The following SPAG16 variants were observed in gnomAD, a reference collection of about 807,000 sequenced individuals.
SPAG16 encodes the protein sperm associated antigen 16.
A neutral mutation model predicts 80.4 loss-of-function variants in SPAG16; 86 were observed. The ratio of observed to expected loss-of-function variants is 1.07; its 90% CI spans 0.90 to 1.28. The LOEUF (loss-of-function observed/expected upper bound fraction) is 1.28, where lower values mean the gene tolerates loss of function less well. Among genes scored for constraint, SPAG16 ranks in the 50% most tolerant of loss-of-function variants. The pLI is 0.00. For missense variants in SPAG16, 870 were observed against 765.3 expected (o/e 1.14, Z -1.61); for synonymous variants, 294 against 265.9 (o/e 1.11, Z -1.03).
chr2:213,686,013 T>C (rs1356382637), intron 10 of SPAG16, among the ~76,000 whole-genome samples: 3 of 152,174 alleles, frequency 2.0e-5, no homozygotes, highest in African/African-American at 7.2e-5. Context: ...GACATATAAT[T>C]ATAAAGGTAT....
intron 10 of SPAG16, among the ~76,000 whole-genome samples, chr2:213,689,288 G>A (rs532446332): frequency 6.6e-6 from 1 of 152,250 alleles, no homozygotes; most frequent in East Asian, 1.9e-4. Context: ...TTTATCATCT[G>A]TGTCAGTTAT....
At chr2:214,153,983 G>A (rs1307107084) in intron 15 of SPAG16, among the ~76,000 whole-genome samples, 1 of 152,076 alleles carries the variant, frequency 6.6e-6, no homozygotes, top group Non-Finnish European at 1.5e-5. Context: ...TATATCCCAA[G>A]TATTTGTGAA....
intron 10 of SPAG16, among the ~76,000 whole-genome samples, chr2:213,651,245 T>G (rs1199965306): frequency 6.6e-6 from 1 of 152,144 alleles, no homozygotes; most frequent in African/African-American, 2.4e-5. Flanking sequence ...TTGCTGATTT[T>G]GGATTTGATA....
At chr2:213,561,660 G>A (rs932437709) in intron 10 of SPAG16, among the ~76,000 whole-genome samples, 5 of 152,126 alleles carry the variant, frequency 3.3e-5, no homozygotes, top group African/African-American at 1.2e-4. Context: ...ACTCTTAAAT[G>A]TAATGTCTTT....
chr2:214,348,474 T>G (rs925177326), intron 15 of SPAG16, among the ~76,000 whole-genome samples: 1 of 152,232 alleles, frequency 6.6e-6, no homozygotes, highest in African/African-American at 2.4e-5. Context: ...AGAGTATGAT[T>G]AGAAGAAATT....
At chr2:213,731,560 C>T (rs576344336) in intron 10 of SPAG16, among the ~76,000 whole-genome samples, 21 of 151,160 alleles carry the variant, frequency 1.4e-4, no homozygotes, top group South Asian at 6.2e-4. Context: ...TGGTGGTTTG[C>T]TGCACAGATC....
chr2:214,294,421 A>T (rs915681950), intron 15 of SPAG16, among the ~76,000 whole-genome samples: 1 of 152,150 alleles, frequency 6.6e-6, no homozygotes, highest in Non-Finnish European at 1.5e-5. Flanking sequence ...GTGTTCTCTT[A>T]TAGATGACTC....
In SPAG16 at chr2:214,243,052, G is replaced by A. The variant is rs561737422; in HGVS notation, c.1720+93786G>A. Among the ~76,000 whole-genome samples the A allele has an allele frequency of 2.0e-5, 3 of 152,170 alleles. No homozygotes were observed. In the South Asian group the frequency reaches 6.2e-4, roughly 32 times the overall value. Reference sequence around the variant, plus strand: ...GCATGTATAATAAAATCCTGTATAAGAGCCTGAGGCATCATCCAAATTTAT... The same window carrying A: ...GCATGTATAATAAAATCCTGTATAAAAGCCTGAGGCATCATCCAAATTTAT... On this transcript the variant is annotated intron_variant, in intron 15 of 15. Coordinates refer to ENST00000331683, the MANE Select transcript of SPAG16 (RefSeq NM_024532.5).
intron 15 of SPAG16, among the ~76,000 whole-genome samples, chr2:214,153,614 T>C (rs1045308240): frequency 3.3e-5 from 5 of 152,092 alleles, no homozygotes; most frequent in African/African-American, 1.2e-4. Context: ...ATTAAACATA[T>C]TGGTGCACAA....
intron 10 of SPAG16, among the ~76,000 whole-genome samples, chr2:213,520,630 T>A (rs2075624832): frequency 6.6e-6 from 1 of 152,122 alleles, no homozygotes. Flanking sequence ...TTTTAATCCA[T>A]CCAACTTGTA....
chr2:214,133,831 T>G (rs2054908444), intron 14 of SPAG16, among the ~76,000 whole-genome samples: 2 of 152,140 alleles, frequency 1.3e-5, no homozygotes, highest in African/African-American at 4.8e-5. Context: ...GAGAATGGGA[T>G]AAAAAGCTCT....
chr2:213,663,740 A>G (rs894705847), intron 10 of SPAG16, among the ~76,000 whole-genome samples: 3 of 152,126 alleles, frequency 2.0e-5, no homozygotes, highest in Non-Finnish European at 2.9e-5. Flanking sequence ...ATCTAAAAAT[A>G]CAAAGTTGGT....
chr2:213,785,564 A>C (rs1199153731), intron 10 of SPAG16, among the ~76,000 whole-genome samples: 1 of 152,130 alleles, frequency 6.6e-6, no homozygotes, highest in Non-Finnish European at 1.5e-5. Context: ...TGACATTTCT[A>C]TTTATTAGGT....
chr2:213,322,832 A>G (rs1448065745), intron 5 of SPAG16, among the ~76,000 whole-genome samples: 1 of 152,178 alleles, frequency 6.6e-6, no homozygotes, highest in African/African-American at 2.4e-5. Flanking sequence ...GAAAAAGCCA[A>G]GTATAAACTT....
At chr2:213,383,536 A>G (rs2067282929) in intron 9 of SPAG16, among the ~76,000 whole-genome samples, 1 of 152,150 alleles carries the variant, frequency 6.6e-6, no homozygotes, top group Admixed American at 6.5e-5. Flanking sequence ...ACTCCAATAG[A>G]GTGTGTGCCA....
intron 13 of SPAG16, among the ~76,000 whole-genome samples, chr2:214,090,859 G>T (rs997180690): frequency 6.6e-6 from 1 of 151,926 alleles, no homozygotes; most frequent in Admixed American, 6.6e-5. Flanking sequence ...TAAACACAGG[G>T]CCTATAGAGT....
At chr2:213,761,090 T>C in intron 10 of SPAG16, among the ~76,000 whole-genome samples, 1 of 152,064 alleles carries the variant, frequency 6.6e-6, no homozygotes, top group East Asian at 1.9e-4. Flanking sequence ...ATTCAAACCA[T>C]AGCAAGGATG....
At chr2:213,684,304 CT>C (rs1309476140) in intron 10 of SPAG16, among the ~76,000 whole-genome samples, 4 of 152,040 alleles carry the variant, frequency 2.6e-5, no homozygotes, top group African/African-American at 4.8e-5. Flanking sequence ...TACTATAGGT[CT>C]TTTTTAAGTT....
rs1169357331 is a variant in SPAG16, at chr2:213,385,343, G to C, written c.942+10224G>C. On this transcript the variant is annotated intron_variant, in intron 9 of 15. Coordinates refer to ENST00000331683, the MANE Select transcript of SPAG16 (RefSeq NM_024532.5). ...CATAAATACCAGTTTCCTTTCTAGG[G>C]TGTTAAGTTCTGTGTTATAGAAGAG... Among the ~76,000 whole-genome samples, 5 of 152,238 alleles carry C rather than the reference G, an allele frequency of 3.3e-5. No homozygotes were observed. In the South Asian group the frequency reaches 8.3e-4, roughly 25 times the overall value.
Sources: allele counts gnomAD v4.1 joint callset (sites outside exome capture counted in the v4.1 genomes callset), GRCh38; gene constraint gnomAD v4.1.1; transcripts MANE v1.5; gene names NCBI Gene and HGNC (gene_info 2026-07-23, HGNC 2026-07-21).